Variants in RLIG1 observed in about 807,000 individuals in gnomAD.
RLIG1 encodes RNA 5'-phosphate and 3'-OH ligase 1, also known as RNA ligase 1.
chr12:88,036,057 G>A, the RLIG1 span: 1 of 1,412,734 alleles, frequency 7.1e-7, no homozygotes, highest in African/African-American at 1.4e-5. Context: ...CACCTTTTGG[G>A]GAAACCCCCT....
At chr12:88,049,380 T>A in the RLIG1 span, 1 of 1,545,420 alleles carries the variant, frequency 6.5e-7, no homozygotes, top group South Asian at 1.2e-5. Flanking sequence ...AGGATCAAAA[T>A]TTTCCAGTTC....
chr12:88,040,113 A>G, the RLIG1 span: 23 of 1,194,224 alleles, frequency 1.9e-5, no homozygotes, highest in Non-Finnish European at 2.6e-5. Context: ...GAGGCTATCT[A>G]TCTTAAACCG....
At chr12:88,044,531 A>G in the RLIG1 span, 2 of 152,222 alleles carry the variant, frequency 1.3e-5, no homozygotes, top group African/African-American at 4.8e-5. Flanking sequence ...CTTGTCCTCA[A>G]TGATCTTTAA....
the RLIG1 span, chr12:88,045,858 T>C: frequency 4.6e-6 from 5 of 1,093,176 alleles, no homozygotes; most frequent in Admixed American, 2.3e-5. Flanking sequence ...TTAAAAAACA[T>C]ACACACACTA....
At chr12:88,036,799 T>C in the RLIG1 span, among the ~76,000 whole-genome samples, 6 of 152,332 alleles carry the variant, frequency 3.9e-5, no homozygotes, top group Admixed American at 1.3e-4. Context: ...CTCGTCAGAA[T>C]ACCACAGTTA....
chr12:88,044,120 A>G, the RLIG1 span: 14 of 192,054 alleles, frequency 7.3e-5, no homozygotes, highest in Admixed American at 4.4e-4. Flanking sequence ...CAAAAATACA[A>G]AAAATTAGTT....
chr12:88,047,867 C>T, the RLIG1 span, among the ~76,000 whole-genome samples: 3 of 152,134 alleles, frequency 2.0e-5, no homozygotes, highest in Non-Finnish European at 4.4e-5. Context: ...TATCATATAA[C>T]ATTCCTTTCA....
At chr12:88,038,350 C>A in the RLIG1 span, among the ~76,000 whole-genome samples, 37 of 152,142 alleles carry the variant, frequency 2.4e-4, no homozygotes, top group Admixed American at 2.4e-3. Context: ...ACTAGATGCT[C>A]AAGCTTTGTT....
chr12:88,048,121 A>AAGAT, the RLIG1 span: 26 of 651,622 alleles, frequency 4.0e-5, no homozygotes, highest in Non-Finnish European at 5.5e-5. Context: ...AAAAAACAGT[A>AAGAT]AGATAAAGTG....
the RLIG1 span, chr12:88,045,736 A>C: frequency 1.2e-6 from 2 of 1,613,222 alleles, no homozygotes; most frequent in South Asian, 1.1e-5. Context: ...TCTTAGAACA[A>C]ACACTGGAAC....
chr12:88,045,617 T>C, the RLIG1 span: 1 of 1,612,636 alleles, frequency 6.2e-7, no homozygotes, highest in Non-Finnish European at 8.5e-7. Flanking sequence ...CAAACAGTAT[T>C]GCTGGCATTC....
At chr12:88,036,596 A>G in the RLIG1 span, among the ~76,000 whole-genome samples, 1 of 152,212 alleles carries the variant, frequency 6.6e-6, no homozygotes, top group East Asian at 1.9e-4. Flanking sequence ...TATTTGTTGA[A>G]TTAAAGAATG....
the RLIG1 span, among the ~76,000 whole-genome samples, chr12:88,040,796 AT>A: frequency 0.88 from 132,561 of 150,806 alleles, 59,074 homozygotes; most frequent in East Asian, 0.98. Flanking sequence ...CGGAAAAGAG[AT>A]TTTTTTTTTT....
the RLIG1 span, among the ~76,000 whole-genome samples, chr12:88,036,598 TAAAG>T: frequency 1.3e-5 from 2 of 152,222 alleles, no homozygotes; most frequent in African/African-American, 4.8e-5. Context: ...TTTGTTGAAT[TAAAG>T]AATGAACCCT....
chr12:88,038,411 CT>C, the RLIG1 span, among the ~76,000 whole-genome samples: 421 of 152,258 alleles, frequency 2.8e-3, 4 homozygotes, highest in African/African-American at 9.7e-3. Flanking sequence ...CTAAATACAA[CT>C]TTCAAAGTAA....
At chr12:88,043,569 A>G in the RLIG1 span, 30 of 1,463,084 alleles carry the variant, frequency 2.1e-5, no homozygotes, top group Admixed American at 5.5e-4. Context: ...GTATCACCAC[A>G]TACAATATTA....
At chr12:88,048,106 A>T in the RLIG1 span, 1 of 381,828 alleles carries the variant, frequency 2.6e-6, no homozygotes, top group Non-Finnish European at 4.3e-6. Context: ...GACCAGCTAT[A>T]AAAAAAAAAA....
the RLIG1 span, chr12:88,049,961 C>G: frequency 6.0e-6 from 1 of 166,648 alleles, no homozygotes. Context: ...ATTCTCATAT[C>G]CATGCCTTTT....
At chr12:88,049,113 G>T in the RLIG1 span, 2 of 869,038 alleles carry the variant, frequency 2.3e-6, no homozygotes, top group Non-Finnish European at 3.6e-6. Context: ...TCGGAGAACT[G>T]CTTATTTCCA....
Sources: allele counts gnomAD v4.1 joint callset (sites outside exome capture counted in the v4.1 genomes callset), GRCh38; gene constraint gnomAD v4.1.1; transcripts MANE v1.5; gene names NCBI Gene and HGNC (gene_info 2026-07-23, HGNC 2026-07-21).